The following MYLK variants were observed in gnomAD, a reference collection of about 807,000 sequenced individuals.
MYLK encodes myosin light chain kinase, smooth muscle.
MYLK carries 106 observed loss-of-function variants against 203.4 expected under a neutral mutation model. The observed-to-expected ratio is 0.52, with a 90% confidence interval of 0.45 to 0.61. The LOEUF (loss-of-function observed/expected upper bound fraction) is 0.61. Among genes scored for constraint, MYLK ranks in the 20% least tolerant of loss-of-function variants. MYLK has a pLI of 0.00. For synonymous variants in MYLK, 867 were observed against 959.5 expected (o/e 0.90, Z 1.78); for missense variants, 2,072 against 2,442.3 (o/e 0.85, Z 3.20).
intron 4 of MYLK, among the ~76,000 whole-genome samples, chr3:123,775,277 C>T (rs2064030397): frequency 6.6e-6 from 1 of 152,186 alleles, no homozygotes; most frequent in African/African-American, 2.4e-5. Flanking sequence ...AAGCAATCCT[C>T]CCCCAACAGC....
At chr3:123,679,238 C>T (rs1305863339) in intron 20 of MYLK, among the ~76,000 whole-genome samples, 2 of 146,460 alleles carry the variant, frequency 1.4e-5, no homozygotes, top group Non-Finnish European at 3.0e-5. Flanking sequence ...AACCAGGAGG[C>T]GGAGGTTGTA....
At chr3:123,824,138 G>A (rs1248817658) in intron 3 of MYLK, among the ~76,000 whole-genome samples, 1 of 149,740 alleles carries the variant, frequency 6.7e-6, no homozygotes, top group Non-Finnish European at 1.5e-5. Context: ...CCCCCAGGCT[G>A]GAGTGCAATG....
At chr3:123,842,942 T>C (rs1047300573) in intron 2 of MYLK, among the ~76,000 whole-genome samples, 1 of 152,242 alleles carries the variant, frequency 6.6e-6, no homozygotes, top group Non-Finnish European at 1.5e-5. Context: ...CCCAATGTGC[T>C]GCTGGGACGG....
chr3:123,785,583 G>A (rs2064481160), intron 4 of MYLK, among the ~76,000 whole-genome samples: 1 of 152,232 alleles, frequency 6.6e-6, no homozygotes, highest in South Asian at 2.1e-4. Context: ...TAATTCTCAA[G>A]AATGTAATGC....
intron 4 of MYLK, among the ~76,000 whole-genome samples, chr3:123,790,683 A>G (rs1198272096): frequency 6.6e-6 from 1 of 152,274 alleles, no homozygotes; most frequent in African/African-American, 2.4e-5. Flanking sequence ...TTACGAGAAT[A>G]AAAACCAAAA....
At chr3:123,664,297 C>T in intron 22 of MYLK, 39 bp from the exon 23 acceptor site, 2 of 1,613,938 alleles carry the variant, frequency 1.2e-6, no homozygotes, top group Non-Finnish European at 1.7e-6. Flanking sequence ...GAGCCTTGGG[C>T]CCCTGGGCTA....
chr3:123,781,668 A>G (rs938690168), intron 4 of MYLK, among the ~76,000 whole-genome samples: 1 of 152,162 alleles, frequency 6.6e-6, no homozygotes, highest in African/African-American at 2.4e-5. Context: ...TAAAATAATA[A>G]AATGTTGAAG....
chr3:123,704,610 A>T (rs2061378628), intron 16 of MYLK, among the ~76,000 whole-genome samples: 1 of 152,108 alleles, frequency 6.6e-6, no homozygotes, highest in Non-Finnish European at 1.5e-5. Context: ...ATTACTTTAA[A>T]GAACTAATTT....
intron 12 of MYLK, among the ~76,000 whole-genome samples, chr3:123,724,480 T>C (rs1379566326): frequency 2.0e-5 from 3 of 152,142 alleles, no homozygotes; most frequent in Non-Finnish European, 4.4e-5. Flanking sequence ...AGTCAATCAC[T>C]GGATCCAATA....
chr3:123,757,816 CTA>C (rs1236703472), intron 4 of MYLK, among the ~76,000 whole-genome samples: 3 of 152,196 alleles, frequency 2.0e-5, no homozygotes, highest in African/African-American at 7.2e-5. Context: ...GCAACACTGT[CTA>C]TGTATTCATG....
chr3:123,667,082 A>G (rs2059760708), intron 21 of MYLK, 55 bp downstream of exon 21: 1 of 1,565,472 alleles, frequency 6.4e-7, no homozygotes, highest in Non-Finnish European at 8.8e-7. Context: ...AGGTAAAGGC[A>G]AAACCCCCAT....
chr3:123,758,764 G>A (rs1473789698), intron 4 of MYLK, among the ~76,000 whole-genome samples: 1 of 152,136 alleles, frequency 6.6e-6, no homozygotes, highest in Non-Finnish European at 1.5e-5. Context: ...CCCTTTTAAT[G>A]ATATAAGCAT....
intron 2 of MYLK, among the ~76,000 whole-genome samples, chr3:123,850,686 C>T (rs1442086218): frequency 6.6e-6 from 1 of 152,164 alleles, no homozygotes; most frequent in Non-Finnish European, 1.5e-5. Flanking sequence ...TTCTCCCATT[C>T]TGTAGATTGC....
intron 21 of MYLK, among the ~76,000 whole-genome samples, chr3:123,666,688 A>G (rs1338497483): frequency 6.6e-6 from 1 of 152,216 alleles, no homozygotes; most frequent in Non-Finnish European, 1.5e-5. Flanking sequence ...TCTAAACTCC[A>G]GGTCACCCTG....
chr3:123,715,895 G>T (rs569128367), intron 13 of MYLK: 1 of 152,314 alleles, frequency 6.6e-6, no homozygotes, highest in African/African-American at 2.4e-5. Flanking sequence ...GAAGCCCCAA[G>T]GTCCTGGATC....
chr3:123,814,827 C>T (rs967181958), intron 3 of MYLK, among the ~76,000 whole-genome samples: 1 of 152,026 alleles, frequency 6.6e-6, no homozygotes, highest in Non-Finnish European at 1.5e-5. Flanking sequence ...GAGTCTCATT[C>T]TGTTACCCAG....
intron 3 of MYLK, among the ~76,000 whole-genome samples, chr3:123,795,711 G>A (rs772321448): frequency 3.9e-5 from 6 of 152,198 alleles, no homozygotes; most frequent in Non-Finnish European, 8.8e-5. Flanking sequence ...CCAGGCTGAC[G>A]ATCATTTCTT....
At chr3:123,695,795 AG>A (rs1241714270) in intron 18 of MYLK, among the ~76,000 whole-genome samples, 2 of 152,302 alleles carry the variant, frequency 1.3e-5, no homozygotes, top group African/African-American at 4.8e-5. Flanking sequence ...TTTTGCCAGG[AG>A]GAGGAGCCTG....
At chr3:123,868,616 T>C (rs1375953047) in intron 2 of MYLK, among the ~76,000 whole-genome samples, 1 of 152,192 alleles carries the variant, frequency 6.6e-6, no homozygotes, top group Non-Finnish European at 1.5e-5. Context: ...CACTAATTTA[T>C]ACCCTGTGCT....
Sources: gnomAD v4.1 joint callset for allele counts (sites outside exome capture counted in the v4.1 genomes callset) on GRCh38, gnomAD v4.1.1 for gene constraint, MANE v1.5 for transcripts, NCBI Gene and HGNC (gene_info 2026-07-23, HGNC 2026-07-21) for gene names.